The following ZC3H4 variants were observed in gnomAD, a reference collection of about 807,000 sequenced individuals.
The protein encoded by ZC3H4 is zinc finger CCCH-type containing 4, also known as zinc finger CCCH domain-containing protein 4.
Under a neutral mutation model 108.3 loss-of-function variants are expected in ZC3H4, and 13 were observed. The observed-to-expected ratio is 0.12, with a 90% CI of 0.08 to 0.19. ZC3H4 has a LOEUF of 0.19. ZC3H4 is among the 10% of genes least tolerant of loss of function. The pLI is 1.00. For synonymous variants in ZC3H4, 917 were observed against 749.6 expected (o/e 1.22, Z -3.65); for missense variants, 1,734 against 1,838.8 (o/e 0.94, Z 1.04).
intron 13 of ZC3H4, 64 bp from the exon 14 acceptor site, chr19:47,069,407 C>T (rs1233352914): frequency 1.2e-5 from 18 of 1,554,372 alleles, no homozygotes; most frequent in Non-Finnish European, 1.5e-5. Flanking sequence ...CTCCAGCCCC[C>T]CTGCCCCTCA....
chr19:47,066,365 A>T lies in ZC3H4; in HGVS notation c.3903T>A (p.Phe1301Leu). The T allele has an allele frequency of 6.4e-7, 1 of 1,550,984 alleles. No individual in the cohort carries two copies. The highest frequency in any genetic ancestry group is 1.2e-5 in the South Asian group (1 of 81,112). The change falls in exon 15 of 15, where the codon TTT becomes TTA. Residue 1301 changes from phenylalanine to leucine, a missense_variant. Phe to Leu is a conservative substitution (Grantham distance 22). Around this residue, in one of 9 missense-constraint regions of ZC3H4, gnomAD observed 518 missense variants for 499.6 expected, o/e 1.04. Transcript: ENST00000253048. Reference protein sequence around the residue: ...FKGFDPTASPFCQ With the variant: ...FKGFDPTASPLCQ Reference sequence around the variant, plus strand: ...CAGCTCTGGCTGGACACTACTGGCAAAAGGGGGAGGCCGTGGGGTCGAAGC... The same window carrying T: ...CAGCTCTGGCTGGACACTACTGGCATAAGGGGGAGGCCGTGGGGTCGAAGC...
In ZC3H4 at chr19:47,071,905, G is replaced by A. The variant is rs755125637; in HGVS notation, c.2019C>T (p.Pro673=). 10 of 1,612,400 alleles carry A rather than the reference G, an allele frequency of 6.2e-6. No individual in the cohort carries two copies. Among genetic ancestry groups the A allele is most frequent in the Admixed American group, 3.3e-5 (2 of 59,790 alleles). Residue 673 remains proline, a synonymous_variant, in exon 13 of 15, where the codon CCC becomes CCT. Coordinates refer to ENST00000253048, the MANE Select transcript of ZC3H4 (RefSeq NM_015168.2). The stretch of plus-strand genomic sequence containing the variant: ...AATGTGGGGAGTCTCCAGGGCCGTA[G>A]GGCATCATTGGAGGGCCGCCAGGGC... ...PMGPGGPPMM[P]YGPGDSPHSG... is the part of the protein sequence containing the mutation.
intron 13 of ZC3H4, among the ~76,000 whole-genome samples, chr19:47,069,765 G>A (rs2057293436): frequency 1.3e-5 from 2 of 152,132 alleles, no homozygotes; most frequent in African/African-American, 4.8e-5. Context: ...CAATCAGTAA[G>A]GAAACACCAT....
rs758762306 is a variant in ZC3H4 at position 47,067,921 on chromosome 19, G to T, written c.2399-52C>A. 7 of 1,504,634 alleles carry T rather than the reference G, an allele frequency of 4.7e-6. No individual in the cohort carries two copies. The highest frequency in any genetic ancestry group is 5.4e-6 in the Non-Finnish European group (6 of 1,117,840). The allele number at this position is 1,504,634 out of a possible 1,614,324, so 93.2% of individuals were successfully genotyped here. A position where few individuals can be genotyped will look rare whatever the true frequency, so the allele number is the denominator to read the frequency against. On this transcript the variant is annotated intron_variant, in intron 14 of 14. Coordinates refer to ENST00000253048, the MANE Select transcript of ZC3H4 (RefSeq NM_015168.2). This position sits in a 1 kb window ranked among gnomAD's most constrained non-coding sequence, Gnocchi z 6.4. Reference sequence around the variant, plus strand: ...GGGTGAGTGGGCGCATCCACCACCCGCCCTCTTGGATCCCACAGCAGCCCA... The same window carrying T: ...GGGTGAGTGGGCGCATCCACCACCCTCCCTCTTGGATCCCACAGCAGCCCA...
chr19:47,104,407 A>C (rs944090256), intron 2 of ZC3H4, among the ~76,000 whole-genome samples: 1 of 152,238 alleles, frequency 6.6e-6, no homozygotes, highest in East Asian at 1.9e-4. Context: ...AGGGCAGACA[A>C]GAATGAGGTT....
chr19:47,086,637 CTGCCTCCTCCTCCTT>C lies in ZC3H4; in HGVS notation c.716-114_716-100del, dbSNP rs2057633360. 74 of 1,444,906 alleles carry C rather than the reference CTGCCTCCTCCTCCTT, an allele frequency of 5.1e-5. 1 individual carries two copies. The South Asian group carries it at 9.8e-4, about 19-fold the overall frequency. The allele number at this position is 1,444,906 out of a possible 1,614,324, so 89.5% of individuals were successfully genotyped here. A position where few individuals can be genotyped will look rare whatever the true frequency, so the allele number is the denominator to read the frequency against. On this transcript the variant is annotated intron_variant, in intron 5 of 14. Coordinates refer to ENST00000253048, the MANE Select transcript of ZC3H4 (RefSeq NM_015168.2). ...TTGCTCCTGAGGTCAATCACTTCAG[CTGCCTCCTCCTCCTT>C]CTCCTCCTCCTCCTCCTCCAAGAAG...
chr19:47,111,311 C>T (rs1203882703), intron 2 of ZC3H4, among the ~76,000 whole-genome samples: 1 of 152,222 alleles, frequency 6.6e-6, no homozygotes, highest in Non-Finnish European at 1.5e-5. Flanking sequence ...CTGAAACGCG[C>T]CGGGCTGACC....
At chr19:47,084,550 G>T in intron 8 of ZC3H4, 95 bp from the exon 9 acceptor site, 1 of 1,210,798 alleles carries the variant, frequency 8.3e-7, no homozygotes, top group Non-Finnish European at 1.2e-6. Context: ...GGGGATGAGG[G>T]GTCCCTTCAG....
At chr19:47,068,246 C>T (rs1398952337) in intron 14 of ZC3H4, among the ~76,000 whole-genome samples, 1 of 152,236 alleles carries the variant, frequency 6.6e-6, no homozygotes, top group Non-Finnish European at 1.5e-5. Flanking sequence ...ACCCAGAGCT[C>T]TGCTGTTTCC....
intron 11 of ZC3H4, among the ~76,000 whole-genome samples, chr19:47,079,267 G>C (rs1029105494): frequency 6.6e-6 from 1 of 151,404 alleles, no homozygotes; most frequent in Non-Finnish European, 1.5e-5. Flanking sequence ...AACCTCAGGT[G>C]ATCCGTCTGC....
intron 2 of ZC3H4, among the ~76,000 whole-genome samples, chr19:47,107,587 C>G (rs1226329151): frequency 6.6e-6 from 1 of 151,852 alleles, no homozygotes; most frequent in South Asian, 2.1e-4. Flanking sequence ...CGAGAAAGAT[C>G]CTTTATGCAG....
chr19:47,067,206 G>A lies in ZC3H4; in HGVS notation c.3062C>T (p.Pro1021Leu), dbSNP rs1281680510. ...RLHRAATAGP[P>L]NARQRPGAST... ...GGCGCCCGGGCGCTGCCGGGCGTTG[G>A]GGGGCCCTGCCGTGGCAGCGCGGTG... Residue 1021 changes from proline (P) to leucine (L), a missense_variant, in exon 15 of 15, where the codon CCC (proline) becomes CTC (leucine). By Grantham distance (98) the Pro-to-Leu change is moderately conservative. This residue lies in a region of ZC3H4 where 518 missense variants were observed against 499.6 expected (regional missense o/e 1.04). Coordinates refer to ENST00000253048, the MANE Select transcript of ZC3H4 (RefSeq NM_015168.2). This position sits in a 1 kb window ranked among gnomAD's most constrained non-coding sequence, Gnocchi z 6.4. 1.1e-5 allele frequency: 18 copies of A among 1,610,138 alleles called. No individual in the cohort carries two copies. The highest frequency in any genetic ancestry group is 1.5e-5 in the Non-Finnish European group (18 of 1,178,226).
rs1252648318 is a variant in ZC3H4 at position 47,066,936 on chromosome 19, C to T, written c.3332G>A (p.Gly1111Glu). ...AGCGGTGGCTGGTGGGGAGGCATCC[C>T]CACTCGGGCTGGCGGTGGGAGAGGG... ...EAPSPTASPS[G>E]DASPPATAPY... Residue 1111 changes from glycine to glutamate, a missense_variant, in exon 15 of 15, where the codon GGG (glycine) becomes GAG (glutamate). Coordinates refer to ENST00000253048, the MANE Select transcript of ZC3H4 (RefSeq NM_015168.2). 12 of 1,595,682 alleles carry T rather than the reference C, an allele frequency of 7.5e-6. No homozygotes were observed. The highest frequency in any genetic ancestry group is 9.4e-6 in the Non-Finnish European group (11 of 1,173,540).
chr19:47,102,951 T>C (rs2057922631), intron 2 of ZC3H4, among the ~76,000 whole-genome samples: 1 of 152,090 alleles, frequency 6.6e-6, no homozygotes, highest in African/African-American at 2.4e-5. Flanking sequence ...CTGTAAAGCT[T>C]CAAACAGGCT....
chr19:47,080,567 C>G (rs2057502473), intron 11 of ZC3H4, among the ~76,000 whole-genome samples: 2 of 152,152 alleles, frequency 1.3e-5, no homozygotes, highest in Admixed American at 1.3e-4. Flanking sequence ...ATGATCATGG[C>G]TCACTGCAGC....
At position 47,086,573 on chromosome 19, in the gene ZC3H4, G is replaced by C. The variant is rs1164533617; in HGVS notation, c.716-35C>G. 3.2e-6 allele frequency: 5 copies of C among 1,538,694 alleles called. No individual in the cohort carries two copies. The African/African-American group carries it at 4.2e-5, about 13-fold the overall frequency. ...GATTCAGATAGTGAGCCTCCAGCAGGAGCAGATGCCACCAGCAAGAAAGAA... is the reference window on the plus strand; with the variant it reads ...GATTCAGATAGTGAGCCTCCAGCAGCAGCAGATGCCACCAGCAAGAAAGAA... On this transcript the variant is annotated intron_variant, in intron 5 of 14. Transcript: ENST00000253048.
rs1051424435 is a variant in ZC3H4 at position 47,064,958 on chromosome 19, G to A, written c.*1398C>T. The A allele has an allele frequency of 2.0e-5, 3 of 152,252 alleles. No individual in the cohort carries two copies. The highest frequency in any genetic ancestry group is 2.0e-4 in the Admixed American group (3 of 15,284). The allele number at this position is 152,252 out of a possible 1,614,324, so 9.4% of individuals were successfully genotyped here. On this transcript the variant is annotated 3_prime_UTR_variant, in exon 15 of 15. Coordinates refer to ENST00000253048, the MANE Select transcript of ZC3H4 (RefSeq NM_015168.2). ...AGGTCTCTTCATGGTCAGCAATGAA[G>A]AGCTTGGCCTGCAGCCACATGGTGG... is the stretch of plus-strand genomic sequence containing the variant.
At position 47,071,705 on chromosome 19, in the gene ZC3H4, T is replaced by G. The variant is rs1599979167; in HGVS notation, c.2146+73A>C. On this transcript the variant is annotated intron_variant, in intron 13 of 14. Transcript: ENST00000253048. ...AGAGACTTGGACGAAGGAAGAAAAATCACATCTCCCCAACTCTGCTCCACT... is the reference window on the plus strand; with the variant it reads ...AGAGACTTGGACGAAGGAAGAAAAAGCACATCTCCCCAACTCTGCTCCACT... The G allele has an allele frequency of 1.1e-5, 16 of 1,474,114 alleles. No homozygotes were observed. In the East Asian group the frequency reaches 3.7e-4, roughly 34 times the overall value. The allele number at this position is 1,474,114 out of a possible 1,614,324, so 91.3% of individuals were successfully genotyped here.
intron 2 of ZC3H4, among the ~76,000 whole-genome samples, chr19:47,096,216 G>C (rs527734860): frequency 1.3e-5 from 2 of 152,302 alleles, no homozygotes; most frequent in South Asian, 4.1e-4. Context: ...CAGAGGTCAA[G>C]GGCAACTCTC....
Sources: gnomAD v4.1 joint callset for allele counts (sites outside exome capture counted in the v4.1 genomes callset) on GRCh38, gnomAD v4.1.1 for gene constraint, gnomAD v4.1.1 regional missense constraint, Gnocchi (gnomAD v3.1) non-coding constraint, MANE v1.5 for transcripts, NCBI Gene and HGNC (gene_info 2026-07-23, HGNC 2026-07-21) for gene names.